Variants in MAP4K5 observed in about 807,000 individuals in gnomAD.
MAP4K5 encodes MAPK/ERK kinase kinase kinase 5.
A neutral mutation model predicts 135.6 loss-of-function variants in MAP4K5; 82 were observed. The ratio of observed to expected loss-of-function variants is 0.60; its 90% CI spans 0.51 to 0.73. MAP4K5 has a LOEUF of 0.73. Ranked by LOEUF, MAP4K5 falls within the 30% of genes least tolerant of loss-of-function variation. The pLI, the probability that MAP4K5 is intolerant of heterozygous loss-of-function variation, is 0.00. For synonymous variants in MAP4K5, 347 were observed against 335.0 expected, an observed-to-expected ratio of 1.04 and a Z score of -0.39; for missense variants, 907 against 1,010.9, an observed-to-expected ratio of 0.90 and a Z score of 1.39.
chr14:50,445,754 G>C (rs1355660834), intron 17 of MAP4K5, among the ~76,000 whole-genome samples: 1 of 152,070 alleles, frequency 6.6e-6, no homozygotes, highest in Non-Finnish European at 1.5e-5. Context: ...ATTTTTAGTA[G>C]AGAGGGTTTC....
intron 9 of MAP4K5, among the ~76,000 whole-genome samples, chr14:50,469,612 C>T (rs978971372): frequency 4.6e-5 from 7 of 151,966 alleles, no homozygotes; most frequent in Non-Finnish European, 8.8e-5. Flanking sequence ...TTTCAAAGGC[C>T]GTAGCAGAGG....
chr14:50,483,626 A>C (rs1467466997), intron 5 of MAP4K5, among the ~76,000 whole-genome samples: 1 of 151,568 alleles, frequency 6.6e-6, no homozygotes, highest in Non-Finnish European at 1.5e-5. Flanking sequence ...TCTTAGGTTC[A>C]ATTTAATTCA....
At chr14:50,432,603 C>G (rs767574351) in intron 28 of MAP4K5, among the ~76,000 whole-genome samples, 24 of 150,514 alleles carry the variant, frequency 1.6e-4, no homozygotes, top group Admixed American at 2.0e-4. Context: ...CAAACATACC[C>G]CAAAAGGAAC....
intron 26 of MAP4K5, among the ~76,000 whole-genome samples, chr14:50,436,193 T>G (rs910752199): frequency 6.6e-6 from 1 of 152,160 alleles, no homozygotes; most frequent in Non-Finnish European, 1.5e-5. Flanking sequence ...TACTTACTAG[T>G]GACACAATCA....
intron 2 of MAP4K5, among the ~76,000 whole-genome samples, chr14:50,531,045 T>C (rs2038375255): frequency 6.6e-6 from 1 of 152,196 alleles, no homozygotes; most frequent in Non-Finnish European, 1.5e-5. Flanking sequence ...ACAACGCCGT[T>C]GCAAAAAGCA....
intron 9 of MAP4K5, among the ~76,000 whole-genome samples, chr14:50,471,222 G>A (rs1198726935): frequency 6.6e-6 from 1 of 152,076 alleles, no homozygotes; most frequent in Non-Finnish European, 1.5e-5. Flanking sequence ...AATATTTAGT[G>A]ATAGTAAGGA....
chr14:50,516,343 T>A (rs2038033055), intron 2 of MAP4K5, among the ~76,000 whole-genome samples: 1 of 152,208 alleles, frequency 6.6e-6, no homozygotes, highest in South Asian at 2.1e-4. Context: ...GGGCTCAGTT[T>A]TGGACATACT....
intron 8 of MAP4K5, 120 bp from the exon 9 acceptor site, chr14:50,475,269 T>A (rs997573405): frequency 5.6e-6 from 4 of 711,284 alleles, no homozygotes; most frequent in African/African-American, 5.3e-5. Context: ...AAAATGCGCA[T>A]AAATTGAATA....
At chr14:50,548,233 G>T (rs777053542) in intron 1 of MAP4K5, among the ~76,000 whole-genome samples, 5 of 152,130 alleles carry the variant, frequency 3.3e-5, no homozygotes, top group African/African-American at 1.2e-4. Context: ...GTTTTCCTAG[G>T]TTTACTGGGC....
chr14:50,505,932 G>A (rs919283306), intron 2 of MAP4K5, among the ~76,000 whole-genome samples: 1 of 152,096 alleles, frequency 6.6e-6, no homozygotes, highest in Non-Finnish European at 1.5e-5. Context: ...TTGTGAATAT[G>A]AACACATACC....
chr14:50,494,915 C>A (rs2037562266), intron 3 of MAP4K5, among the ~76,000 whole-genome samples: 1 of 152,106 alleles, frequency 6.6e-6, no homozygotes, highest in Non-Finnish European at 1.5e-5. Context: ...TGCCTTAAAC[C>A]ATACACAAAA....
At chr14:50,445,628 G>A (rs2036330308) in intron 17 of MAP4K5, among the ~76,000 whole-genome samples, 1 of 152,122 alleles carries the variant, frequency 6.6e-6, no homozygotes. Context: ...GGAGTGCAGT[G>A]GCACGATCTC....
intron 3 of MAP4K5, among the ~76,000 whole-genome samples, chr14:50,491,487 G>C (rs1755765829): frequency 6.6e-6 from 1 of 151,490 alleles, no homozygotes; most frequent in Non-Finnish European, 1.5e-5. Context: ...AATAGAGACG[G>C]GGTTTCACCA....
intron 21 of MAP4K5, among the ~76,000 whole-genome samples, chr14:50,441,954 T>A (rs1011951433): frequency 1.3e-5 from 2 of 152,114 alleles, no homozygotes; most frequent in African/African-American, 4.8e-5. Flanking sequence ...GTAGGCTTGT[T>A]CCTTCCTTGA....
chr14:50,497,189 T>C (rs1180007510), intron 3 of MAP4K5, among the ~76,000 whole-genome samples: 1 of 150,734 alleles, frequency 6.6e-6, no homozygotes, highest in Non-Finnish European at 1.5e-5. Flanking sequence ...GTGAATATGG[T>C]TGTTTTGGTT....
chr14:50,531,856 C>G, intron 2 of MAP4K5, 86 bp downstream of exon 2: 1 of 994,734 alleles, frequency 1.0e-6, no homozygotes, highest in East Asian at 2.6e-5. Context: ...AAGCATCCTC[C>G]TCTCGCCCCA....
intron 2 of MAP4K5, among the ~76,000 whole-genome samples, chr14:50,514,873 G>C (rs534186056): frequency 1.9e-4 from 29 of 151,610 alleles, no homozygotes; most frequent in Middle Eastern, 6.8e-3. Context: ...TCTTCCTGTA[G>C]CTATCATATA....
intron 32 of MAP4K5, among the ~76,000 whole-genome samples, chr14:50,420,647 A>C (rs1280955778): frequency 6.6e-6 from 1 of 150,572 alleles, no homozygotes; most frequent in Non-Finnish European, 1.5e-5. Context: ...AAAAACAACA[A>C]ACAAAATTTG....
At chr14:50,469,424 T>G (rs901477283) in intron 9 of MAP4K5, among the ~76,000 whole-genome samples, 1 of 152,114 alleles carries the variant, frequency 6.6e-6, no homozygotes, top group Non-Finnish European at 1.5e-5. Context: ...ACCTCAGAAG[T>G]AGAGGCTAGA....
Sources: allele counts gnomAD v4.1 joint callset (sites outside exome capture counted in the v4.1 genomes callset), GRCh38; gene constraint gnomAD v4.1.1; transcripts MANE v1.5; gene names NCBI Gene and HGNC (gene_info 2026-07-23, HGNC 2026-07-21).